HSD17B4: variants seen among roughly 807,000 people sequenced by gnomAD.
HSD17B4 encodes the protein peroxisomal multifunctional enzyme type 2.
A neutral mutation model predicts 101.0 loss-of-function variants in HSD17B4; 70 were observed. That is an observed-to-expected ratio of 0.69 (90% CI 0.57 to 0.85). The LOEUF is 0.85. Among genes scored for constraint, HSD17B4 ranks in the 40% least tolerant of loss-of-function variants. The pLI is 0.00. For missense variants in HSD17B4, 984 were observed against 892.4 expected, an observed-to-expected ratio of 1.10 and a Z score of -1.31; for synonymous variants, 347 against 297.1, an observed-to-expected ratio of 1.17 and a Z score of -1.73.
chr5:119,494,373 C>CTTTCTT (rs1238714964), intron 11 of HSD17B4, among the ~76,000 whole-genome samples: 1 of 144,890 alleles, frequency 6.9e-6, no homozygotes, highest in Admixed American at 6.9e-5. Flanking sequence ...TTCTTTCTTT[C>CTTTCTT]TTTCTTTCTT....
Position 119,471,753 on chromosome 5 carries a change from C to T in HSD17B4, c.113-2155C>T. ...AGTTATTTGGCATTTATCTATGTAT[C>T]TTTTTATTAGTTTTTGCATGTTATT... On this transcript the variant is annotated intron_variant, in intron 2 of 23. Coordinates refer to ENST00000510025, the MANE Select transcript of HSD17B4 (RefSeq NM_000414.4). 4 of 899,412 alleles carry T rather than the reference C, an allele frequency of 4.4e-6. No individual in the cohort carries two copies. The South Asian group carries it at 5.1e-5, about 12-fold the overall frequency. 55.7% of individuals were successfully genotyped at this position (899,412 alleles called of 1,614,324 possible). A position where few individuals can be genotyped will look rare whatever the true frequency, so the allele number is the denominator to read the frequency against.
intron 4 of HSD17B4, among the ~76,000 whole-genome samples, 182 bp downstream of exon 4, chr5:119,474,642 A>T (rs1206472101): frequency 1.3e-5 from 2 of 152,176 alleles, no homozygotes; most frequent in Non-Finnish European, 2.9e-5. Context: ...TGGCAATTTT[A>T]TGGATATAGT....
chr5:119,521,445 A>T (rs1277376917), intron 17 of HSD17B4, among the ~76,000 whole-genome samples: 1 of 151,736 alleles, frequency 6.6e-6, no homozygotes, highest in East Asian at 1.9e-4. Flanking sequence ...TAGTATTAAA[A>T]TTTTAAATAT....
intron 8 of HSD17B4, among the ~76,000 whole-genome samples, chr5:119,484,658 G>A (rs1749451349): frequency 6.6e-6 from 1 of 152,054 alleles, no homozygotes; most frequent in Admixed American, 6.6e-5. Context: ...TTTAAAATAA[G>A]CTACTCCATG....
At chr5:119,540,141 C>T (rs1470168318) in intron 23 of HSD17B4, among the ~76,000 whole-genome samples, 1 of 152,132 alleles carries the variant, frequency 6.6e-6, no homozygotes, top group African/African-American at 2.4e-5. Context: ...TCCAGACCTT[C>T]TTCCTTTATG....
chr5:119,529,926 T>C lies in HSD17B4; in HGVS notation c.1800T>C (p.Asn600=), dbSNP rs769947922. 1 of 1,610,486 alleles carries C rather than the reference T, an allele frequency of 6.2e-7. No individual in the cohort carries two copies. The highest frequency in any genetic ancestry group is 8.5e-7 in the Non-Finnish European group (1 of 1,177,214). Residue 600 remains asparagine (N), a synonymous_variant, in exon 21 of 24, where the codon AAT becomes AAC. Transcript: ENST00000510025. ...AAACTGGAGACATTGTCATTTCAAA[T>C]GCATATGTGGATCTTGCACCAACAT... ...VQETGDIVIS[N]AYVDLAPTSG... is the part of the protein sequence containing the mutation.
chr5:119,519,603 G>C (rs543734830), intron 17 of HSD17B4, among the ~76,000 whole-genome samples: 1 of 152,336 alleles, frequency 6.6e-6, no homozygotes, highest in South Asian at 2.1e-4. Context: ...ATCATCTAAA[G>C]TGAACTGCTG....
chr5:119,469,319 A>C (rs577788467), intron 2 of HSD17B4, among the ~76,000 whole-genome samples: 2 of 150,032 alleles, frequency 1.3e-5, no homozygotes, highest in South Asian at 4.2e-4. Flanking sequence ...TTTTTAACTT[A>C]AAAAAAGTGT....
At chr5:119,484,985 A>G (rs944565938) in intron 8 of HSD17B4, among the ~76,000 whole-genome samples, 2 of 152,222 alleles carry the variant, frequency 1.3e-5, no homozygotes, top group African/African-American at 2.4e-5. Context: ...GTATGATACT[A>G]TATAGACACA....
At chr5:119,496,994 G>T (rs1750707758) in intron 12 of HSD17B4, among the ~76,000 whole-genome samples, 1 of 152,026 alleles carries the variant, frequency 6.6e-6, no homozygotes, top group African/African-American at 2.4e-5. Context: ...GATTTCTCTG[G>T]ACTGTACCCT....
At chr5:119,471,605 T>C in intron 2 of HSD17B4, 1 of 971,896 alleles carries the variant, frequency 1.0e-6, no homozygotes, top group Non-Finnish European at 1.5e-6. Flanking sequence ...ATTATGCTAT[T>C]TATTAATTAG....
At chr5:119,513,619 G>A (rs529923300) in intron 16 of HSD17B4, among the ~76,000 whole-genome samples, 4 of 152,216 alleles carry the variant, frequency 2.6e-5, no homozygotes, top group African/African-American at 9.6e-5. Flanking sequence ...CCTGACCTCA[G>A]GTGTCCCATC....
chr5:119,537,572 G>C (rs1023676248), intron 23 of HSD17B4, among the ~76,000 whole-genome samples: 1 of 152,222 alleles, frequency 6.6e-6, no homozygotes, highest in South Asian at 2.1e-4. Flanking sequence ...TTCTTTTAGT[G>C]TACTAATGCA....
chr5:119,483,324 C>A (rs1749320211), intron 8 of HSD17B4, among the ~76,000 whole-genome samples: 1 of 152,232 alleles, frequency 6.6e-6, no homozygotes, highest in East Asian at 1.9e-4. Flanking sequence ...CTCCAGTTTT[C>A]CTGATGGTGG....
intron 17 of HSD17B4, among the ~76,000 whole-genome samples, chr5:119,521,528 T>G (rs1243637465): frequency 6.6e-6 from 1 of 152,170 alleles, no homozygotes; most frequent in Non-Finnish European, 1.5e-5. Flanking sequence ...TTTTCATGTC[T>G]TTCAACTACT....
At chr5:119,462,532 T>C (rs80225041) in intron 2 of HSD17B4, among the ~76,000 whole-genome samples, 1,533 of 152,232 alleles carry the variant, frequency 0.01, 12 homozygotes, top group Non-Finnish European at 0.016. Flanking sequence ...GTAGTTTTAT[T>C]GAAATGTGAA....
intron 9 of HSD17B4, among the ~76,000 whole-genome samples, chr5:119,491,150 T>G (rs1284113132): frequency 6.6e-6 from 1 of 152,172 alleles, no homozygotes; most frequent in Non-Finnish European, 1.5e-5. Context: ...TGAGAGGAAC[T>G]TGTAGCTTAT....
At chr5:119,463,377 C>T (rs987833620) in intron 2 of HSD17B4, among the ~76,000 whole-genome samples, 2 of 152,124 alleles carry the variant, frequency 1.3e-5, no homozygotes, top group Non-Finnish European at 2.9e-5. Flanking sequence ...ATATACCCAG[C>T]AATGGGATTA....
At chr5:119,453,219 A>C (rs1033401325) in intron 1 of HSD17B4, among the ~76,000 whole-genome samples, 3 of 152,182 alleles carry the variant, frequency 2.0e-5, no homozygotes, top group African/African-American at 7.2e-5. Flanking sequence ...CTCGAAATCC[A>C]CTGGAGTCTT....
Sources: allele counts gnomAD v4.1 joint callset (sites outside exome capture counted in the v4.1 genomes callset), GRCh38; gene constraint gnomAD v4.1.1; transcripts MANE v1.5; gene names NCBI Gene and HGNC (gene_info 2026-07-23, HGNC 2026-07-21).